Variants in TRIM62 observed in about 807,000 individuals in gnomAD.
TRIM62 encodes the protein E3 ubiquitin-protein ligase TRIM62.
A neutral mutation model predicts 44.2 loss-of-function variants in TRIM62; 39 were observed. That is an observed-to-expected ratio of 0.88 (90% CI 0.68 to 1.15). The LOEUF (loss-of-function observed/expected upper bound fraction) is 1.15. TRIM62 is among the 50% of genes most tolerant of loss of function. The probability of loss-of-function intolerance (pLI) is 0.00; values close to 1 mark genes in which losing one functional copy is unlikely to be tolerated. For synonymous variants in TRIM62, 278 were observed against 292.3 expected, an observed-to-expected ratio of 0.95 and a Z score of 0.50; for missense variants, 544 against 665.5, an observed-to-expected ratio of 0.82 and a Z score of 2.01.
rs1181807111 is a variant in TRIM62, at chr1:33,145,956, G to T, written c.*1221C>A. On this transcript the variant is annotated 3_prime_UTR_variant, in exon 5 of 5. Coordinates refer to ENST00000291416, the MANE Select transcript of TRIM62 (RefSeq NM_018207.3). ...ATCTCTTGTAAAAATTTAGATTTGGGAACTGAGTGAAGTGGGAGAGGGGCA... is the reference window on the plus strand; with the variant it reads ...ATCTCTTGTAAAAATTTAGATTTGGTAACTGAGTGAAGTGGGAGAGGGGCA... The T allele has an allele frequency of 2.1e-6, 1 of 470,436 alleles. No individual in the cohort carries two copies. The highest frequency in any genetic ancestry group is 4.4e-6 in the Non-Finnish European group (1 of 226,718). 29.1% of individuals were successfully genotyped at this position (470,436 alleles called of 1,614,324 possible).
chr1:33,147,340 T>C lies in TRIM62; in HGVS notation c.1265A>G (p.Tyr422Cys), dbSNP rs1342695352. The change falls in exon 5 of 5, where the codon TAT (tyrosine) becomes TGT (cysteine). Residue 422 changes from tyrosine to cysteine, a missense_variant. Transcript: ENST00000291416. The surrounding 1 kb of genome is among the most constrained non-coding windows in gnomAD (Gnocchi z 8.1). Reference sequence around the variant, plus strand: ...GTAGAAGATGAGCAAGCCTTGGTCATAGTCCAGGAAGACACCCACCTTGTC... The same window carrying C: ...GTAGAAGATGAGCAAGCCTTGGTCACAGTCCAGGAAGACACCCACCTTGTC... ...KLDKVGVFLD[Y>C]DQGLLIFYNA... 2 of 1,614,196 alleles carry C rather than the reference T, an allele frequency of 1.2e-6. No homozygotes were observed. The highest frequency in any genetic ancestry group is 3.3e-5 in the Admixed American group (2 of 60,026).
intron 1 of TRIM62, among the ~76,000 whole-genome samples, chr1:33,180,434 C>T (rs2147993328): frequency 1.3e-5 from 2 of 152,256 alleles, no homozygotes; most frequent in Admixed American, 1.3e-4. Flanking sequence ...CAAACCTGCC[C>T]TCTCAGCACT....
At chr1:33,154,631 C>T (rs1645149255) in intron 4 of TRIM62, among the ~76,000 whole-genome samples, 1 of 151,464 alleles carries the variant, frequency 6.6e-6, no homozygotes, top group Non-Finnish European at 1.5e-5. Flanking sequence ...AACACCGTCT[C>T]TACTAAAAAT....
In TRIM62 at chr1:33,169,988, T is replaced by C. The variant is rs1645360514; in HGVS notation, c.409-4422A>G. ...TGCACAGTGTCCCACACTTGTACCCTGATGGCACACACTGCATTTTAATTG... is the reference window on the plus strand; with the variant it reads ...TGCACAGTGTCCCACACTTGTACCCCGATGGCACACACTGCATTTTAATTG... On this transcript the variant is annotated intron_variant, in intron 1 of 4. Coordinates refer to ENST00000291416, the MANE Select transcript of TRIM62 (RefSeq NM_018207.3). 2.0e-5 allele frequency among the ~76,000 whole-genome samples: 3 copies of C among 152,176 alleles called. 1 individual carries two copies. The South Asian group carries it at 6.2e-4, about 32-fold the overall frequency.
intron 1 of TRIM62, among the ~76,000 whole-genome samples, chr1:33,168,665 G>T (rs12731268): frequency 4.9e-4 from 75 of 152,334 alleles, no homozygotes; most frequent in Non-Finnish European, 9.4e-4. Flanking sequence ...CCTAACATTC[G>T]TGTGCAGCTT....
At chr1:33,179,483 T>A (rs1645444671) in intron 1 of TRIM62, among the ~76,000 whole-genome samples, 1 of 152,160 alleles carries the variant, frequency 6.6e-6, no homozygotes, top group Non-Finnish European at 1.5e-5. Context: ...TCTGTTTGAG[T>A]ATCTCGAGGC....
At position 33,181,282 on chromosome 1, in the gene TRIM62, G is replaced by A; in HGVS notation, c.151C>T (p.Pro51Ser). Reference sequence around the variant, plus strand: ...TCGGCGAACGTGCGCCGGCACTCGGGGCAGTCGCGGGCGCCCTGCGCCTCC... The same window carrying A: ...TCGGCGAACGTGCGCCGGCACTCGGAGCAGTCGCGGGCGCCCTGCGCCTCC... ...RQEAQGARDC[P>S]ECRRTFAEPA... Residue 51 changes from proline (P) to serine (S), a missense_variant, in exon 1 of 5, where the codon CCC becomes TCC. Pro to Ser is a moderately conservative substitution (Grantham distance 74). Coordinates refer to ENST00000291416, the MANE Select transcript of TRIM62 (RefSeq NM_018207.3). The surrounding 1 kb of genome is among the most constrained non-coding windows in gnomAD (Gnocchi z 6.5). The A allele has an allele frequency of 1.3e-6, 2 of 1,549,844 alleles. No individual in the cohort carries two copies. The highest frequency in any genetic ancestry group is 1.7e-6 in the Non-Finnish European group (2 of 1,153,160).
chr1:33,170,187 A>G (rs677834), intron 1 of TRIM62, among the ~76,000 whole-genome samples: 149,136 of 152,158 alleles, frequency 0.98, 73,141 homozygotes, highest in Middle Eastern at 1. Flanking sequence ...AAAATTAGCC[A>G]GGCATGGTGG....
rs371408566 is a variant in TRIM62 at position 33,181,058 on chromosome 1, G to A, written c.375C>T (p.Val125=). 96 of 1,597,456 alleles carry A rather than the reference G, an allele frequency of 6.0e-5. 1 individual carries two copies. The highest frequency in any genetic ancestry group is 3.3e-4 in the Middle Eastern group (2 of 6,070). The part of the protein sequence containing the change: ...DEPALHEQHQ[V]TGIDDAFDEL... ...CGTCGAAGGCGTCGTCGATGCCGGT[G>A]ACCTGATGCTGCTCGTGCAGTGCAG... The change falls in exon 1 of 5, where the codon GTC becomes GTT. Residue 125 remains valine (V), a synonymous_variant. Transcript: ENST00000291416. This position sits in a 1 kb window ranked among gnomAD's most constrained non-coding sequence, Gnocchi z 6.5.
At chr1:33,163,489 A>T (rs1645296434) in intron 2 of TRIM62, 1 of 152,230 alleles carries the variant, frequency 6.6e-6, no homozygotes, top group Non-Finnish European at 1.5e-5. Context: ...GCACAGAGAA[A>T]AGTTCTGCTC....
Position 33,158,296 on chromosome 1 carries a change from C to T in TRIM62, c.834G>A (p.Leu278=). 1 of 1,614,092 alleles carries T rather than the reference C, an allele frequency of 6.2e-7. No individual in the cohort carries two copies. Among genetic ancestry groups the T allele is most frequent in the Admixed American group, 1.7e-5 (1 of 60,026 alleles). ...ACAGGGACTTCCAGATGGTGTACTG[C>T]AGGGGGCCTGTGTACTTGGAGGTCG... ...DFPTSKYTGP[L]QYTIWKSLFQ... is the part of the protein sequence containing the mutation. The change falls in exon 4 of 5, where the codon CTG becomes CTA. Residue 278 remains leucine, a synonymous_variant. Coordinates refer to ENST00000291416, the MANE Select transcript of TRIM62 (RefSeq NM_018207.3).
In TRIM62 at chr1:33,147,791, GCCTTC is replaced by G; in HGVS notation, c.878-69_878-65del. ...GAAGGCTGTGGACCCACCATGCAGT[GCCTTC>G]CTGAGGGCAGAGTTCTGGTTGGTAC... On this transcript the variant is annotated intron_variant, in intron 4 of 4. Transcript: ENST00000291416. The surrounding 1 kb of genome is among the most constrained non-coding windows in gnomAD (Gnocchi z 8.1). 6.5e-7 allele frequency: 1 copy of G among 1,542,952 alleles called. No individual in the cohort carries two copies. The highest frequency in any genetic ancestry group is 8.8e-7 in the Non-Finnish European group (1 of 1,139,382).
At position 33,158,398 on chromosome 1, in the gene TRIM62, C is replaced by T. The variant is rs142087541; in HGVS notation, c.762-30G>A. 147 of 1,596,084 alleles carry T rather than the reference C, an allele frequency of 9.2e-5. 1 individual carries two copies. The East Asian group carries it at 3.0e-3, about 32-fold the overall frequency. The stretch of plus-strand genomic sequence containing the variant: ...AAGGAGAGCAGGAAAGGGGGCTGCA[C>T]CAGGGACTGGATTCCTGCCCCAATG... On this transcript the variant is annotated intron_variant, in intron 3 of 4. Coordinates refer to ENST00000291416, the MANE Select transcript of TRIM62 (RefSeq NM_018207.3).
At position 33,147,853 on chromosome 1, in the gene TRIM62, G is replaced by C; in HGVS notation, c.878-126C>G. On this transcript the variant is annotated intron_variant, in intron 4 of 4. Transcript: ENST00000291416. This position sits in a 1 kb window ranked among gnomAD's most constrained non-coding sequence, Gnocchi z 8.1. ...GGCCTCTGACCTGCTGTGTGACCTT[G>C]AATACAAGTCTGCCCTCTCTGGGCC... The C allele has an allele frequency of 5.6e-6, 6 of 1,066,494 alleles. No homozygotes were observed. Among genetic ancestry groups the C allele is most frequent in the Non-Finnish European group, 8.0e-6 (6 of 750,212 alleles). 66.1% of individuals were successfully genotyped at this position (1,066,494 alleles called of 1,614,324 possible).
At chr1:33,160,025 T>A in intron 2 of TRIM62, 81 bp from the exon 3 acceptor site, 1 of 1,545,310 alleles carries the variant, frequency 6.5e-7, no homozygotes, top group Non-Finnish European at 8.7e-7. Flanking sequence ...ATCGAGAGCC[T>A]TGACACACAG....
chr1:33,159,962 CA>C lies in TRIM62; in HGVS notation c.505-19del. The C allele has an allele frequency of 6.3e-7, 1 of 1,595,574 alleles. No individual in the cohort carries two copies. Among genetic ancestry groups the C allele is most frequent in the Non-Finnish European group, 8.5e-7 (1 of 1,175,118 alleles). ...GTGGAAGACTGTGGGGGACAGTCGT[CA>C]GGGGTTATGGCTGGGGGAGCAGATG... is the stretch of plus-strand genomic sequence containing the variant. On this transcript the variant is annotated intron_variant, in intron 2 of 4. Coordinates refer to ENST00000291416, the MANE Select transcript of TRIM62 (RefSeq NM_018207.3). The surrounding 1 kb of genome is among the most constrained non-coding windows in gnomAD (Gnocchi z 4.2).
intron 3 of TRIM62, among the ~76,000 whole-genome samples, chr1:33,158,840 T>C (rs1276836816): frequency 6.6e-6 from 1 of 151,266 alleles, no homozygotes; most frequent in Admixed American, 6.8e-5. Context: ...TTTTTTTCTT[T>C]TTTTTCTTTT....
intron 1 of TRIM62, among the ~76,000 whole-genome samples, chr1:33,180,249 C>G (rs1645450306): frequency 6.6e-6 from 1 of 152,138 alleles, no homozygotes. Flanking sequence ...AGAGGTCTAG[C>G]CCCTCCCTTC....
intron 1 of TRIM62, among the ~76,000 whole-genome samples, chr1:33,178,961 T>A (rs1410805793): frequency 6.6e-6 from 1 of 152,176 alleles, no homozygotes; most frequent in Non-Finnish European, 1.5e-5. Context: ...GGCTAGAAGG[T>A]CAGACAAGGA....
Sources: allele counts gnomAD v4.1 joint callset (sites outside exome capture counted in the v4.1 genomes callset), GRCh38; gene constraint gnomAD v4.1.1; non-coding constraint Gnocchi (gnomAD v3.1); transcripts MANE v1.5; gene names NCBI Gene and HGNC (gene_info 2026-07-23, HGNC 2026-07-21).